DPH6: variants seen among roughly 807,000 people sequenced by gnomAD.
DPH6 encodes diphthine--ammonia ligase.
A neutral mutation model predicts 38.2 loss-of-function variants in DPH6; 33 were observed. The observed-to-expected ratio is 0.86, with a 90% CI of 0.65 to 1.15. The LOEUF is 1.15. Among genes scored for constraint, DPH6 ranks in the 50% most tolerant of loss-of-function variants. DPH6 has a pLI of 0.00. For synonymous variants in DPH6, 108 were observed against 103.0 expected, an observed-to-expected ratio of 1.05 and a Z score of -0.30; for missense variants, 325 against 320.0, an observed-to-expected ratio of 1.02 and a Z score of -0.12.
chr15:35,488,213 G>A (rs1292510417), intron 3 of DPH6, among the ~76,000 whole-genome samples: 2 of 152,034 alleles, frequency 1.3e-5, no homozygotes, highest in African/African-American at 2.4e-5. Context: ...ACATCTTCCT[G>A]TCTTCTTCTG....
At chr15:35,264,116 G>T (rs1386797749) in intron 3 of DPH6, among the ~76,000 whole-genome samples, 3 of 148,712 alleles carry the variant, frequency 2.0e-5, no homozygotes. Flanking sequence ...TTAATTCAAA[G>T]ATTAAAAAAA....
At chr15:35,355,194 G>A (rs1029495603) in intron 3 of DPH6, among the ~76,000 whole-genome samples, 1 of 152,076 alleles carries the variant, frequency 6.6e-6, no homozygotes, top group African/African-American at 2.4e-5. Context: ...CATGTGAGAT[G>A]GGTTTCCTGA....
At chr15:35,182,220 ATTTTTTTTTT>A in the DPH6 span, among the ~76,000 whole-genome samples, 3,950 of 85,996 alleles carry the variant, frequency 0.046, 283 homozygotes, top group East Asian at 0.22. Flanking sequence ...AACTCTAAGA[ATTTTTTTTTT>A]TTTTTTTTTT....
intron 3 of DPH6, among the ~76,000 whole-genome samples, chr15:35,524,530 G>T (rs1199163805): frequency 1.3e-5 from 2 of 152,108 alleles, no homozygotes; most frequent in Non-Finnish European, 2.9e-5. Flanking sequence ...ATATCTGCAT[G>T]AATTAACACA....
intron 6 of DPH6, among the ~76,000 whole-genome samples, chr15:35,409,035 G>A (rs747371718): frequency 6.6e-6 from 1 of 151,900 alleles, no homozygotes; most frequent in Non-Finnish European, 1.5e-5. Context: ...GACAGTCGAG[G>A]GGGTGGGTTG....
chr15:35,504,198 A>G (rs1007475251), intron 3 of DPH6, among the ~76,000 whole-genome samples: 10 of 151,960 alleles, frequency 6.6e-5, no homozygotes, highest in Non-Finnish European at 1.0e-4. Flanking sequence ...TGGGGTCTCC[A>G]AACTCCTCAG....
At chr15:35,177,401 C>T in the DPH6 span, among the ~76,000 whole-genome samples, 143 of 150,494 alleles carry the variant, frequency 9.5e-4, no homozygotes, top group African/African-American at 3.3e-3. Flanking sequence ...ACAGTGAGAC[C>T]CCACCTCTCT....
At chr15:35,372,224 A>C (rs1379832980) in intron 8 of DPH6, 21 bp from the exon 9 acceptor site, 2 of 1,484,992 alleles carry the variant, frequency 1.3e-6, no homozygotes, top group South Asian at 2.9e-5. Context: ...AAGGGAAGGA[A>C]AGGGAAGGAA....
chr15:35,518,815 T>C (rs10468084), intron 3 of DPH6, among the ~76,000 whole-genome samples: 16,166 of 151,948 alleles, frequency 0.11, 1,413 homozygotes, highest in African/African-American at 0.24. Flanking sequence ...GTTTTGGAAA[T>C]AAAGTTACCA....
At chr15:35,518,566 T>G (rs886114648) in intron 3 of DPH6, among the ~76,000 whole-genome samples, 1 of 151,988 alleles carries the variant, frequency 6.6e-6, no homozygotes, top group Non-Finnish European at 1.5e-5. Flanking sequence ...TCTACTAAAA[T>G]AAAGATTCCA....
chr15:35,373,389 G>C, intron 8 of DPH6, 132 bp downstream of exon 8: 1 of 720,306 alleles, frequency 1.4e-6, no homozygotes, highest in Non-Finnish European at 2.1e-6. Context: ...CTGAGGAGCT[G>C]AAAAAAAACC....
chr15:35,187,452 A>AC, the DPH6 span, among the ~76,000 whole-genome samples: 4 of 152,108 alleles, frequency 2.6e-5, no homozygotes, highest in Non-Finnish European at 4.4e-5. Flanking sequence ...AACTGAACAG[A>AC]TTTTTTTTAG....
intron 3 of DPH6, among the ~76,000 whole-genome samples, chr15:35,456,491 TA>T (rs2053998966): frequency 6.7e-6 from 1 of 148,310 alleles, no homozygotes; most frequent in African/African-American, 2.5e-5. Flanking sequence ...ATTTATTTAT[TA>T]TTATTTTTTT....
chr15:35,374,883 A>G lies in DPH6; in HGVS notation c.663-1275T>C, dbSNP rs532858663. Among the ~76,000 whole-genome samples the G allele has an allele frequency of 2.6e-5, 4 of 151,928 alleles. No individual in the cohort carries two copies. The East Asian group carries it at 5.8e-4, about 22-fold the overall frequency. ...CACCTGTCCCTCTGGCTTGACCCCAACTTGGTTTGTTAGCCCTAATCTTAC... is the reference window on the plus strand; with the variant it reads ...CACCTGTCCCTCTGGCTTGACCCCAGCTTGGTTTGTTAGCCCTAATCTTAC... On this transcript the variant is annotated intron_variant, in intron 7 of 8. Coordinates refer to ENST00000256538, the MANE Select transcript of DPH6 (RefSeq NM_080650.4).
chr15:35,412,039 T>C (rs965948909), intron 5 of DPH6, among the ~76,000 whole-genome samples: 1 of 151,536 alleles, frequency 6.6e-6, no homozygotes, highest in Non-Finnish European at 1.5e-5. Context: ...CTCTGCTCTG[T>C]GAAAGATAAT....
At chr15:35,327,447 A>G (rs1318354658), downstream of DPH6, among the ~76,000 whole-genome samples, 3 of 148,620 alleles carry the variant, frequency 2.0e-5, no homozygotes, top group Non-Finnish European at 4.4e-5. Context: ...CTGGGTTCAC[A>G]CCATTCTCCT....
At chr15:35,184,445 G>A in the DPH6 span, among the ~76,000 whole-genome samples, 1 of 152,124 alleles carries the variant, frequency 6.6e-6, no homozygotes. Flanking sequence ...CTCAAAGCCT[G>A]TAGCAGAGCT....
chr15:35,191,318 A>G, the DPH6 span, among the ~76,000 whole-genome samples: 1 of 152,170 alleles, frequency 6.6e-6, no homozygotes, highest in Non-Finnish European at 1.5e-5. Context: ...TGCTTTCATG[A>G]CCATGTCCTT....
intron 3 of DPH6, among the ~76,000 whole-genome samples, chr15:35,268,568 G>T (rs1262819127): frequency 6.6e-6 from 1 of 151,426 alleles, no homozygotes; most frequent in Non-Finnish European, 1.5e-5. Context: ...TTCTTCTGCT[G>T]CTTTAAAAAA....
Sources: allele counts gnomAD v4.1 joint callset (sites outside exome capture counted in the v4.1 genomes callset), GRCh38; gene constraint gnomAD v4.1.1; transcripts MANE v1.5; gene names NCBI Gene and HGNC (gene_info 2026-07-23, HGNC 2026-07-21).